The following BOD1L1 variants were observed in gnomAD, a reference collection of about 807,000 sequenced individuals.
The protein encoded by BOD1L1 is biorientation of chromosomes in cell division protein 1-like 1.
BOD1L1 carries 86 observed loss-of-function variants against 240.7 expected under a neutral mutation model. The observed-to-expected ratio is 0.36, with a 90% CI of 0.30 to 0.43. The LOEUF (loss-of-function observed/expected upper bound fraction) is 0.43. Ranked by LOEUF, BOD1L1 falls within the 20% of genes least tolerant of loss-of-function variation. BOD1L1 has a pLI of 1.00. For missense variants in BOD1L1, 3,554 were observed against 3,643.5 expected (o/e 0.98, Z 0.63); for synonymous variants, 1,268 against 1,272.3 (o/e 1.00, Z 0.07).
chr4:13,593,581 T>C (rs928916755), intron 12 of BOD1L1: 15 of 152,182 alleles, frequency 9.9e-5, no homozygotes, highest in Admixed American at 5.2e-4. Flanking sequence ...GGGGAAGAGA[T>C]TGATTGAGCC....
In BOD1L1 at chr4:13,601,365, A is replaced by G; in HGVS notation, c.5535T>C (p.Ala1845=). The G allele has an allele frequency of 6.2e-7, 1 of 1,614,036 alleles. No homozygotes were observed. Among genetic ancestry groups the G allele is most frequent in the Non-Finnish European group, 8.5e-7 (1 of 1,179,906 alleles). ...TGCCTTCATCATCACAAGGACCAGC[A>G]GCAACTAATGGTACATTAGTGCCTT... ...AKEGTNVPLV[A]AGPCDDEGIV... is the part of the protein sequence containing the mutation. Residue 1845 remains alanine (A), a synonymous_variant, in exon 10 of 26, where the codon GCT becomes GCC. Transcript: ENST00000040738.
In BOD1L1 at chr4:13,627,422, T is replaced by C. The variant is rs138568321; in HGVS notation, c.166A>G (p.Met56Val). The change falls in exon 1 of 26, where the codon ATG becomes GTG. Residue 56 changes from methionine (M) to valine (V), a missense_variant. By Grantham distance (21) the Met-to-Val change is conservative. Transcript: ENST00000040738. Reference protein sequence around the residue: ...AGAGDPQLVAMIVNHLKSQGL... With the variant: ...AGAGDPQLVAVIVNHLKSQGL... ...TGGCTCTTGAGGTGGTTCACGATCA[T>C]GGCCACGAGCTGCGGGTCCCCGGCG... 2,657 of 1,372,882 alleles carry C rather than the reference T, an allele frequency of 1.9e-3. 1 individual carries two copies. The highest frequency in any genetic ancestry group is 2.2e-3 in the Non-Finnish European group (2,345 of 1,048,692). The allele number at this position is 1,372,882 out of a possible 1,614,324, so 85.0% of individuals were successfully genotyped here.
chr4:13,622,285 G>C lies in BOD1L1; in HGVS notation c.244-2218C>G, dbSNP rs142746597. 9.3e-4 allele frequency among the ~76,000 whole-genome samples: 142 copies of C among 152,208 alleles called. 1 individual carries two copies. The highest frequency in any genetic ancestry group is 2.9e-3 in the African/African-American group (122 of 41,530). On this transcript the variant is annotated intron_variant, in intron 1 of 25. Coordinates refer to ENST00000040738, the MANE Select transcript of BOD1L1 (RefSeq NM_148894.3). Reference sequence around the variant, plus strand: ...ACATCACAATGCATTTGGCATTCTAGTCTAGTCTTCCCAGAACAAGTTCAA... The same window carrying C: ...ACATCACAATGCATTTGGCATTCTACTCTAGTCTTCCCAGAACAAGTTCAA...
At chr4:13,579,173 A>C (rs1713013216) in intron 22 of BOD1L1, among the ~76,000 whole-genome samples, 1 of 152,232 alleles carries the variant, frequency 6.6e-6, no homozygotes, top group Admixed American at 6.5e-5. Flanking sequence ...TCATCATTTT[A>C]CCCACATTCA....
intron 25 of BOD1L1, chr4:13,572,555 C>T: frequency 1.2e-6 from 1 of 812,678 alleles, no homozygotes; most frequent in South Asian, 1.7e-5. Flanking sequence ...CTTCTGCAGC[C>T]CTTCCTGTTC....
At chr4:13,578,414 T>A (rs1223714096) in intron 22 of BOD1L1, among the ~76,000 whole-genome samples, 3 of 152,196 alleles carry the variant, frequency 2.0e-5, no homozygotes, top group African/African-American at 7.2e-5. Context: ...TCAAAGGAAA[T>A]GCCATTGCAG....
intron 25 of BOD1L1, among the ~76,000 whole-genome samples, chr4:13,572,209 G>A (rs1156694937): frequency 6.6e-6 from 1 of 152,186 alleles, no homozygotes; most frequent in African/African-American, 2.4e-5. Context: ...TGACTTACTA[G>A]GGGTGCTGGT....
In BOD1L1 at chr4:13,587,847, AG is replaced by A; in HGVS notation, c.8281-77del. 6 of 992,782 alleles carry A rather than the reference AG, an allele frequency of 6.0e-6. No individual in the cohort carries two copies. The South Asian group carries it at 7.5e-5, about 12-fold the overall frequency. 61.5% of individuals were successfully genotyped at this position (992,782 alleles called of 1,614,324 possible). The stretch of plus-strand genomic sequence containing the variant: ...AACTGAAAGAGGAGCACACTGTACT[AG>A]ATTCTAACCTTTGGAATAAGTTGAT... On this transcript the variant is annotated intron_variant, in intron 15 of 25. Transcript: ENST00000040738.
Position 13,615,492 on chromosome 4 carries a change from A to G in BOD1L1, c.379T>C (p.Leu127=). Residue 127 remains leucine (L), a synonymous_variant, in exon 3 of 26, where the codon TTG becomes CTG. Coordinates refer to ENST00000040738, the MANE Select transcript of BOD1L1 (RefSeq NM_148894.3). The part of the protein sequence containing the change: ...IRQQVLKSGM[L]ESGIDRIISQ... ...ATAATTCGGTCAATACCAGACTCCA[A>G]CATTCCTGATCTGAAACACAAGATA... 3 of 1,600,382 alleles carry G rather than the reference A, an allele frequency of 1.9e-6. No individual in the cohort carries two copies. Among genetic ancestry groups the G allele is most frequent in the Middle Eastern group, 3.3e-4 (2 of 6,000 alleles).
Position 13,608,553 on chromosome 4 carries a change from G to T in BOD1L1, c.1719C>A (p.Ser573Arg). 1 of 1,538,704 alleles carries T rather than the reference G, an allele frequency of 6.5e-7. No homozygotes were observed. Among genetic ancestry groups the T allele is most frequent in the Admixed American group, 2.2e-5 (1 of 44,772 alleles). Residue 573 changes from serine to arginine, a missense_variant, in exon 8 of 26, where the codon AGC becomes AGA. Around this residue, in one of 2 missense-constraint regions of BOD1L1, gnomAD observed 3,393 missense variants for 3,427.1 expected, o/e 0.99. Transcript: ENST00000040738. ...RKVLEKKVAL[S>R]KKRKKDSRNV... ...ACCTTGAATCTTTTTTTCTCTTTTT[G>T]CTTAAGGCTACTTTTTTTTCTAAAA...
Position 13,609,316 on chromosome 4 carries a change from A to G in BOD1L1, c.1582T>C (p.Ser528Pro). ...KRKQKAEKTK[S>P]SKTKGQGRSS... ...ATACCTTGACCCTTGGTTTTTGAAG[A>G]CTTTGTCTTTTCTGCTTTCTGTTTT... The change falls in exon 7 of 26, where the codon TCT becomes CCT. Residue 528 changes from serine (S) to proline (P), a missense_variant. Around this residue, in one of 2 missense-constraint regions of BOD1L1, gnomAD observed 3,393 missense variants for 3,427.1 expected, o/e 0.99. Transcript: ENST00000040738. 1 of 1,550,144 alleles carries G rather than the reference A, an allele frequency of 6.5e-7. No homozygotes were observed. Among genetic ancestry groups the G allele is most frequent in the Non-Finnish European group, 8.7e-7 (1 of 1,151,710 alleles).
At chr4:13,585,394 G>A (rs1713589250) in intron 17 of BOD1L1, among the ~76,000 whole-genome samples, 1 of 151,798 alleles carries the variant, frequency 6.6e-6, no homozygotes, top group Non-Finnish European at 1.5e-5. Flanking sequence ...GAAAGAGAGA[G>A]GAAAAGATGG....
chr4:13,621,296 T>G (rs1717015754), intron 1 of BOD1L1, among the ~76,000 whole-genome samples: 1 of 152,224 alleles, frequency 6.6e-6, no homozygotes, highest in Admixed American at 6.5e-5. Context: ...TGTCCCTGAC[T>G]GATATTAAGC....
At chr4:13,607,639 G>A (rs1484507802) in intron 8 of BOD1L1, among the ~76,000 whole-genome samples, 1 of 152,198 alleles carries the variant, frequency 6.6e-6, no homozygotes, top group Non-Finnish European at 1.5e-5. Flanking sequence ...ATGCAGACTT[G>A]TTACATTTCA....
intron 8 of BOD1L1, among the ~76,000 whole-genome samples, chr4:13,607,535 T>C (rs888520859): frequency 6.6e-6 from 1 of 152,204 alleles, no homozygotes; most frequent in Non-Finnish European, 1.5e-5. Flanking sequence ...TGACCTCATG[T>C]GTTCCACCCG....
At chr4:13,592,137 T>C (rs1045694889) in intron 12 of BOD1L1, 171 bp from the exon 13 acceptor site, 7 of 552,608 alleles carry the variant, frequency 1.3e-5, no homozygotes, top group Non-Finnish European at 2.3e-5. Context: ...TCAATCCATG[T>C]TGTACTACCA....
In BOD1L1 at chr4:13,607,351, G is replaced by A. The variant is rs1399126119; in HGVS notation, c.1743-162C>T. 2.6e-5 allele frequency among the ~76,000 whole-genome samples: 4 copies of A among 152,272 alleles called. No individual in the cohort carries two copies. The East Asian group carries it at 5.8e-4, about 22-fold the overall frequency. Reference sequence around the variant, plus strand: ...TCTTGCTCTTGTTGCCCAGGCTGGAGTGCAATCACGCAATCTTGGCTTACT... The same window carrying A: ...TCTTGCTCTTGTTGCCCAGGCTGGAATGCAATCACGCAATCTTGGCTTACT... On this transcript the variant is annotated intron_variant, in intron 8 of 25. Coordinates refer to ENST00000040738, the MANE Select transcript of BOD1L1 (RefSeq NM_148894.3).
chr4:13,584,092 TTAG>T (rs1713448867), intron 17 of BOD1L1, among the ~76,000 whole-genome samples: 1 of 152,218 alleles, frequency 6.6e-6, no homozygotes, highest in Non-Finnish European at 1.5e-5. Flanking sequence ...ACAGTAAATA[TTAG>T]TAGAGATTAC....
intron 2 of BOD1L1, among the ~76,000 whole-genome samples, chr4:13,615,799 C>T (rs1438666918): frequency 6.6e-6 from 1 of 152,098 alleles, no homozygotes; most frequent in African/African-American, 2.4e-5. Context: ...GCCTAGGGTC[C>T]AGTATAGAGG....
Sources: allele counts gnomAD v4.1 joint callset (sites outside exome capture counted in the v4.1 genomes callset), GRCh38; gene constraint gnomAD v4.1.1; regional missense constraint gnomAD v4.1.1; transcripts MANE v1.5; gene names NCBI Gene and HGNC (gene_info 2026-07-23, HGNC 2026-07-21).